PCDHGA12: variants seen among roughly 807,000 people sequenced by gnomAD.
PCDHGA12 encodes the protein protocadherin gamma subfamily A, 12, also known as protocadherin gamma-A12.
In PCDHGA12, 43 loss-of-function variants were observed where a neutral mutation model predicts 61.1. The observed-to-expected ratio is 0.70, with a 90% CI of 0.55 to 0.91. The LOEUF is 0.91. PCDHGA12 is among the 40% of genes least tolerant of loss of function. The probability of loss-of-function intolerance (pLI) is 0.00; values close to 1 mark genes in which losing one functional copy is unlikely to be tolerated. For missense variants in PCDHGA12, 1,236 were observed against 1,227.7 expected (o/e 1.01, Z -0.10); for synonymous variants, 520 against 542.9 (o/e 0.96, Z 0.59).
At chr5:141,475,979 C>A in intron 1 of PCDHGA12, 1 of 1,020,182 alleles carries the variant, frequency 9.8e-7, no homozygotes, top group Non-Finnish European at 1.4e-6. Flanking sequence ...GACTGAACAG[C>A]CGGCGAGCAA....
At chr5:141,464,189 C>T (rs1215955823) in intron 1 of PCDHGA12, among the ~76,000 whole-genome samples, 1 of 150,620 alleles carries the variant, frequency 6.6e-6, no homozygotes, top group Non-Finnish European at 1.5e-5. Context: ...TGCTTGATTT[C>T]AGGAGGCGGA....
At chr5:141,482,841 G>A (rs1401298303) in intron 1 of PCDHGA12, among the ~76,000 whole-genome samples, 1 of 139,444 alleles carries the variant, frequency 7.2e-6, no homozygotes, top group Non-Finnish European at 1.5e-5. Flanking sequence ...GGAGGCCAAG[G>A]TGGGCAGATC....
intron 1 of PCDHGA12, among the ~76,000 whole-genome samples, chr5:141,442,700 TA>T (rs2098337605): frequency 6.6e-6 from 1 of 152,198 alleles, no homozygotes; most frequent in Non-Finnish European, 1.5e-5. Flanking sequence ...CAGACAAGAG[TA>T]TCAGACATGC....
intron 2 of PCDHGA12, among the ~76,000 whole-genome samples, chr5:141,495,902 C>T (rs749735668): frequency 2.6e-5 from 4 of 152,120 alleles, no homozygotes; most frequent in Non-Finnish European, 2.9e-5. Context: ...TTGTCTCTGT[C>T]TCTGTATATC....
rs750804901 is a variant in PCDHGA12, at chr5:141,476,422, C to T, written c.2425-18385C>T. ...GAGAGGAGCTGTGTGGGACACTGCC[C>T]TCTTGCACTGTAACTCTGGAGTTGG... On this transcript the variant is annotated intron_variant, in intron 1 of 3. Transcript: ENST00000252085. The surrounding 1 kb of genome is among the most constrained non-coding windows in gnomAD (Gnocchi z 7.6). The T allele has an allele frequency of 1.7e-5, 28 of 1,614,026 alleles. No homozygotes were observed. Among genetic ancestry groups the T allele is most frequent in the East Asian group, 2.2e-5 (1 of 44,860 alleles).
In PCDHGA12 at chr5:141,489,633, T is replaced by C. The variant is rs1298084961; in HGVS notation, c.2425-5174T>C. On this transcript the variant is annotated intron_variant, in intron 1 of 3. Coordinates refer to ENST00000252085, the MANE Select transcript of PCDHGA12 (RefSeq NM_003735.3). The surrounding 1 kb of genome is among the most constrained non-coding windows in gnomAD (Gnocchi z 4.5). ...TCCTGGATCTCAATGACAACTCTCC[T>C]AGCTTTGCCACCCCTGAGCGAGAGA... The C allele has an allele frequency of 6.2e-7, 1 of 1,614,160 alleles. No individual in the cohort carries two copies. Among genetic ancestry groups the C allele is most frequent in the South Asian group, 1.1e-5 (1 of 91,086 alleles).
intron 1 of PCDHGA12, among the ~76,000 whole-genome samples, chr5:141,484,597 A>C (rs1345278081): frequency 1.3e-5 from 2 of 152,070 alleles, no homozygotes; most frequent in African/African-American, 4.8e-5. Flanking sequence ...CTCATTTAGA[A>C]TACTGGTTGA....
chr5:141,483,289 A>G (rs1446467890), intron 1 of PCDHGA12, among the ~76,000 whole-genome samples: 3 of 152,194 alleles, frequency 2.0e-5, no homozygotes, highest in Admixed American at 2.0e-4. Flanking sequence ...TCTGTCAGTC[A>G]TAAGTGAAGG....
rs753954982 is a variant in PCDHGA12 at position 141,478,158 on chromosome 5, C to A, written c.2425-16649C>A. 9 of 1,613,936 alleles carry A rather than the reference C, an allele frequency of 5.6e-6. No individual in the cohort carries two copies. In the African/African-American group the frequency reaches 1.2e-4, roughly 22 times the overall value. On this transcript the variant is annotated intron_variant, in intron 1 of 3. Transcript: ENST00000252085. ...GCCCGAGCCGAGTTCCCCTCTGGCT[C>A]TGCCCCCCGGGAGCAGAAAAAAAAT...
chr5:141,489,375 G>T lies in PCDHGA12; in HGVS notation c.2425-5432G>T. 6.2e-7 allele frequency: 1 copy of T among 1,613,826 alleles called. No homozygotes were observed. Among genetic ancestry groups the T allele is most frequent in the Non-Finnish European group, 8.5e-7 (1 of 1,179,724 alleles). On this transcript the variant is annotated intron_variant, in intron 1 of 3. Transcript: ENST00000252085. This position sits in a 1 kb window ranked among gnomAD's most constrained non-coding sequence, Gnocchi z 4.5. ...AGGAGTCTGAGCCGGGGACGCTGGT[G>T]GGGAATGTTGCTCAGGATCTGGGCT...
At chr5:141,469,543 C>T (rs1031152008) in intron 1 of PCDHGA12, among the ~76,000 whole-genome samples, 1 of 152,040 alleles carries the variant, frequency 6.6e-6, no homozygotes, top group Non-Finnish European at 1.5e-5. Context: ...CCACTGCACT[C>T]CAGCCTGGCG....
chr5:141,478,870 GT>G, intron 1 of PCDHGA12: 1 of 1,273,360 alleles, frequency 7.9e-7, no homozygotes, highest in Non-Finnish European at 1.0e-6. Context: ...AGCGATCAGA[GT>G]TTAGCTTGGT....
intron 1 of PCDHGA12, among the ~76,000 whole-genome samples, chr5:141,467,590 A>T (rs2099146863): frequency 6.6e-6 from 1 of 152,214 alleles, no homozygotes; most frequent in African/African-American, 2.4e-5. Context: ...AATGCCATTT[A>T]TTAAGCACTT....
chr5:141,470,650 T>C (rs2099235744), intron 1 of PCDHGA12, among the ~76,000 whole-genome samples: 1 of 152,184 alleles, frequency 6.6e-6, no homozygotes, highest in Non-Finnish European at 1.5e-5. Context: ...TGAAGGCCCC[T>C]ACCCTTTGGT....
Position 141,477,991 on chromosome 5 carries a change from T to C in PCDHGA12, c.2425-16816T>C, listed in dbSNP as rs774877878. On this transcript the variant is annotated intron_variant, in intron 1 of 3. Transcript: ENST00000252085. The surrounding 1 kb of genome is among the most constrained non-coding windows in gnomAD (Gnocchi z 4.9). The stretch of plus-strand genomic sequence containing the variant: ...GCCTTTTTGCCATAGGGCTGCACAC[T>C]GGTCAAATCAGTACTGCCCGTCCAG... 2 of 1,614,134 alleles carry C rather than the reference T, an allele frequency of 1.2e-6. No individual in the cohort carries two copies. Among genetic ancestry groups the C allele is most frequent in the South Asian group, 2.2e-5 (2 of 91,082 alleles).
At chr5:141,449,282 G>A (rs1285842278) in intron 1 of PCDHGA12, among the ~76,000 whole-genome samples, 17 of 152,002 alleles carry the variant, frequency 1.1e-4, no homozygotes, top group Admixed American at 4.6e-4. Context: ...CCTTCACCCG[G>A]ATGCACCGGG....
chr5:141,431,162 G>C lies in PCDHGA12; in HGVS notation c.403G>C (p.Glu135Gln), dbSNP rs757521794. The C allele has an allele frequency of 3.1e-6, 5 of 1,614,246 alleles. No homozygotes were observed. The South Asian group carries it at 5.5e-5, about 18-fold the overall frequency. Residue 135 changes from glutamate to glutamine, a missense_variant, in exon 1 of 4, where the codon GAA becomes CAA. By Grantham distance (29) the Glu-to-Gln change is conservative. Coordinates refer to ENST00000252085, the MANE Select transcript of PCDHGA12 (RefSeq NM_003735.3). The surrounding 1 kb of genome is among the most constrained non-coding windows in gnomAD (Gnocchi z 4.8). ...DINDNAPYFRESELEIKISEN... is the reference protein window; with the variant it reads ...DINDNAPYFRQSELEIKISEN... Reference sequence around the variant, plus strand: ...TAACGACAATGCGCCTTACTTTCGTGAAAGTGAATTAGAAATAAAAATTAG... The same window carrying C: ...TAACGACAATGCGCCTTACTTTCGTCAAAGTGAATTAGAAATAAAAATTAG...
chr5:141,504,786 C>T (rs568185327), intron 2 of PCDHGA12, among the ~76,000 whole-genome samples: 1 of 152,132 alleles, frequency 6.6e-6, no homozygotes, highest in Non-Finnish European at 1.5e-5. Flanking sequence ...TCTCTTGGGG[C>T]CTCCTACATC....
chr5:141,510,291 A>AG (rs903726285), intron 3 of PCDHGA12, among the ~76,000 whole-genome samples: 1 of 150,450 alleles, frequency 6.6e-6, no homozygotes, highest in African/African-American at 2.4e-5. Context: ...AAAAAAAAAA[A>AG]TGCTGTTTTG....
Sources: allele counts gnomAD v4.1 joint callset (sites outside exome capture counted in the v4.1 genomes callset), GRCh38; gene constraint gnomAD v4.1.1; non-coding constraint Gnocchi (gnomAD v3.1); transcripts MANE v1.5; gene names NCBI Gene and HGNC (gene_info 2026-07-23, HGNC 2026-07-21).